PLCG2: variants seen among roughly 807,000 people sequenced by gnomAD.
The protein encoded by PLCG2 is 1-phosphatidylinositol 4,5-bisphosphate phosphodiesterase gamma-2.
Under a neutral mutation model 175.6 loss-of-function variants are expected in PLCG2, and 69 were observed. The observed-to-expected ratio is 0.39, with a 90% CI of 0.32 to 0.48. PLCG2 has a LOEUF of 0.48. Among genes scored for constraint, PLCG2 ranks in the 20% least tolerant of loss-of-function variants. PLCG2 has a pLI of 0.91. For synonymous variants in PLCG2, 827 were observed against 624.0 expected, an observed-to-expected ratio of 1.33 and a Z score of -4.85; for missense variants, 1,798 against 1,650.9, an observed-to-expected ratio of 1.09 and a Z score of -1.54.
chr16:81,800,062 C>T (rs559460286), intron 2 of PLCG2, among the ~76,000 whole-genome samples: 27 of 152,194 alleles, frequency 1.8e-4, no homozygotes, highest in Non-Finnish European at 3.4e-4. Context: ...TTGCACTCAT[C>T]TGTAAAATAG....
rs528163916 is a variant in PLCG2 at position 81,851,216 on chromosome 16, A to G, written c.194-3228A>G. Among the ~76,000 whole-genome samples, 60 of 152,336 alleles carry G rather than the reference A, an allele frequency of 3.9e-4. 1 individual carries two copies. Among genetic ancestry groups the G allele is most frequent in the African/African-American group, 1.4e-3 (57 of 41,568 alleles). On this transcript the variant is annotated intron_variant, in intron 2 of 32. Transcript: ENST00000564138. ...ATTTTAGACTCTTGTGGACCTGGCAAAAATAGTACAGTTTCTGTGAACCAT... is the reference window on the plus strand; with the variant it reads ...ATTTTAGACTCTTGTGGACCTGGCAGAAATAGTACAGTTTCTGTGAACCAT...
At position 81,755,567 on chromosome 16, in the gene PLCG2, C is replaced by T. The variant is rs185225117; in HGVS notation, c.-144-303C>T. Reference sequence around the variant, plus strand: ...TTGAGACAGAGTTTCACTCTGTCGCCCAAGCTGGAGTGGGGTGGTGTGATC... The same window carrying T: ...TTGAGACAGAGTTTCACTCTGTCGCTCAAGCTGGAGTGGGGTGGTGTGATC... On this transcript the variant is annotated intron_variant, in intron 1 of 5. Coordinates refer to the PLCG2 transcript ENST00000565054. 5.9e-5 allele frequency among the ~76,000 whole-genome samples: 9 copies of T among 151,934 alleles called. No homozygotes were observed. The East Asian group carries it at 9.7e-4, about 16-fold the overall frequency.
At chr16:81,896,426 A>ACACACAC in intron 13 of PLCG2, among the ~76,000 whole-genome samples, 2 of 123,944 alleles carry the variant, frequency 1.6e-5, no homozygotes, top group African/African-American at 6.2e-5. Context: ...ACACACACAC[A>ACACACAC]AATCATCTGG....
chr16:81,795,432 G>A (rs149078300), intron 2 of PLCG2, among the ~76,000 whole-genome samples: 2 of 152,132 alleles, frequency 1.3e-5, no homozygotes, highest in Admixed American at 1.3e-4. Context: ...TATTAGTGAA[G>A]GTAGCCTAAT....
chr16:81,798,881 G>C (rs971874440), intron 2 of PLCG2: 1 of 152,358 alleles, frequency 6.6e-6, no homozygotes, highest in Non-Finnish European at 1.5e-5. Context: ...GCTTCGGCTG[G>C]ATTTCACCGG....
At position 81,786,039 on chromosome 16, in the gene PLCG2, A is replaced by C. The variant is rs757826017; in HGVS notation, c.50A>C (p.Gln17Pro). 6 of 1,614,114 alleles carry C rather than the reference A, an allele frequency of 3.7e-6. No homozygotes were observed. The highest frequency in any genetic ancestry group is 5.1e-6 in the Non-Finnish European group (6 of 1,180,046). The change falls in exon 2 of 33, where the codon CAG (glutamine) becomes CCG (proline). Residue 17 changes from glutamine to proline, a missense_variant. Transcript: ENST00000564138. ...TCCCTTGCGGAATATGAGAAGAGCCAGATCAAGAGAGCCCTGGAGCTGGGG... is the reference window on the plus strand; with the variant it reads ...TCCCTTGCGGAATATGAGAAGAGCCCGATCAAGAGAGCCCTGGAGCTGGGG... ...VDSLAEYEKS[Q>P]IKRALELGTV...
chr16:81,919,620 C>G lies in PLCG2; in HGVS notation c.2191C>G (p.Leu731Val). 6.2e-6 allele frequency: 10 copies of G among 1,614,116 alleles called. No individual in the cohort carries two copies. Among genetic ancestry groups the G allele is most frequent in the Non-Finnish European group, 8.5e-6 (10 of 1,180,004 alleles). ...GCATTCACTCTACCGAAAGATGAGA[C>G]TGCGCTACCCCGTGACCCCCGAGCT... ...EKHSLYRKMRLRYPVTPELLE... is the reference protein window; with the variant it reads ...EKHSLYRKMRVRYPVTPELLE... Residue 731 changes from leucine (L) to valine (V), a missense_variant, in exon 20 of 33, where the codon CTG becomes GTG. Physicochemically the swap from Leu to Val is conservative, Grantham distance 32. Transcript: ENST00000564138.
chr16:81,920,748 C>T (rs994898247), intron 20 of PLCG2, among the ~76,000 whole-genome samples: 27 of 256 alleles, frequency 0.11, no homozygotes, highest in Middle Eastern at 0.5. Context: ...CAGCTCTCAG[C>T]GGGGTAGGGG....
chr16:81,855,192 CA>C (rs35058756), intron 3 of PLCG2, among the ~76,000 whole-genome samples: 308 of 102,922 alleles, frequency 3.0e-3, no homozygotes, highest in Non-Finnish European at 3.7e-3. Context: ...GACTCTGTCT[CA>C]AAAAAAAAAA....
rs1321857081 is a variant in PLCG2, at chr16:81,878,141, C to A, written c.649-2769C>A. On this transcript the variant is annotated intron_variant, in intron 7 of 32. Transcript: ENST00000564138. The stretch of plus-strand genomic sequence containing the variant: ...GGGACTACAGGCGCCCACCACCACG[C>A]CTGGCTAATTTTTTGTATTTTTTTA... Among the ~76,000 whole-genome samples the A allele has an allele frequency of 5.3e-5, 8 of 151,896 alleles. No individual in the cohort carries two copies. The East Asian group carries it at 1.4e-3, about 26-fold the overall frequency.
chr16:81,855,463 T>G (rs575928695), intron 3 of PLCG2, among the ~76,000 whole-genome samples: 167 of 152,344 alleles, frequency 1.1e-3, no homozygotes, highest in Non-Finnish European at 1.6e-3. Context: ...CTGTCAAAGT[T>G]GAGCAATATA....
At chr16:81,938,993 AT>A in intron 29 of PLCG2, 78 bp downstream of exon 29, 1 of 798,710 alleles carries the variant, frequency 1.3e-6, no homozygotes, top group South Asian at 1.5e-5. Context: ...TTCGTGGGGG[AT>A]TTTGCAATGC....
At chr16:81,942,714 C>T (rs1162034132) in intron 30 of PLCG2, among the ~76,000 whole-genome samples, 1 of 152,106 alleles carries the variant, frequency 6.6e-6, no homozygotes, top group African/African-American at 2.4e-5. Context: ...TATGACTTAA[C>T]TTGCTCAAGG....
chr16:81,749,468 T>C (rs935168517), intron 1 of PLCG2, among the ~76,000 whole-genome samples: 3 of 152,128 alleles, frequency 2.0e-5, no homozygotes, highest in African/African-American at 7.2e-5. Flanking sequence ...TTCTCCTGCC[T>C]CAGCCTCCTG....
rs770381413 is a variant in PLCG2, at chr16:81,936,238, C to T, written c.2912C>T (p.Pro971Leu). 3 of 1,614,004 alleles carry T rather than the reference C, an allele frequency of 1.9e-6. No homozygotes were observed. The highest frequency in any genetic ancestry group is 1.1e-5 in the South Asian group (1 of 91,076). ...GCTGACAGCATCATCAGACAGAAGC[C>T]CGTCGACCTCCTGAAGTACAATCAA... ...TKADSIIRQK[P>L]VDLLKYNQKG... The change falls in exon 27 of 33, where the codon CCC becomes CTC. Residue 971 changes from proline to leucine, a missense_variant. Pro to Leu is a moderately conservative substitution (Grantham distance 98). Coordinates refer to ENST00000564138, the MANE Select transcript of PLCG2 (RefSeq NM_002661.5).
intron 17 of PLCG2, among the ~76,000 whole-genome samples, chr16:81,909,410 A>T (rs145825702): frequency 6.6e-6 from 1 of 152,272 alleles, no homozygotes; most frequent in African/African-American, 2.4e-5. Flanking sequence ...GAGGGAAATT[A>T]TAATTCTGTC....
intron 31 of PLCG2, 115 bp downstream of exon 31, chr16:81,946,378 C>T: frequency 1.3e-6 from 1 of 753,026 alleles, no homozygotes; most frequent in Admixed American, 2.0e-5. Flanking sequence ...ATTGTCTAGC[C>T]CAAGCATGAG....
rs374901017 is a variant in PLCG2 at position 81,938,883 on chromosome 16, A to G, written c.3281A>G (p.Tyr1094Cys). 5 of 1,612,066 alleles carry G rather than the reference A, an allele frequency of 3.1e-6. No individual in the cohort carries two copies. The highest frequency in any genetic ancestry group is 2.2e-5 in the East Asian group (1 of 44,760). ...GAAGTGGAGATCTGTGGAGCCGAGT[A>G]TGACAACAACAAGTTCAAGACGACG... ...FVEVEICGAE[Y>C]DNNKFKTTVV... The change falls in exon 29 of 33, where the codon TAT becomes TGT. Residue 1094 changes from tyrosine to cysteine, a missense_variant. Coordinates refer to ENST00000564138, the MANE Select transcript of PLCG2 (RefSeq NM_002661.5).
At chr16:81,947,082 C>T (rs943376734) in intron 31 of PLCG2, among the ~76,000 whole-genome samples, 5 of 152,188 alleles carry the variant, frequency 3.3e-5, no homozygotes, top group African/African-American at 9.7e-5. Context: ...GGTAGGGCAG[C>T]ATTTGCCTAG....
Sources: gnomAD v4.1 joint callset for allele counts (sites outside exome capture counted in the v4.1 genomes callset) on GRCh38, gnomAD v4.1.1 for gene constraint, MANE v1.5 for transcripts, NCBI Gene and HGNC (gene_info 2026-07-23, HGNC 2026-07-21) for gene names.